LAMA2: variants seen among roughly 807,000 people sequenced by gnomAD.
LAMA2 encodes the protein laminin subunit alpha-2.
LAMA2 carries 269 observed loss-of-function variants against 364.8 expected under a neutral mutation model. The observed-to-expected ratio is 0.74, with a 90% CI of 0.67 to 0.82. The LOEUF (loss-of-function observed/expected upper bound fraction) is 0.82, where lower values mean the gene tolerates loss of function less well. Ranked by LOEUF, LAMA2 falls within the 40% of genes least tolerant of loss-of-function variation. LAMA2 has a pLI of 0.00. For synonymous variants in LAMA2, 1,379 were observed against 1,370.6 expected (o/e 1.01, Z -0.14); for missense variants, 3,807 against 3,873.2 (o/e 0.98, Z 0.45).
At chr6:129,422,988 A>C (rs1048157173) in intron 40 of LAMA2, among the ~76,000 whole-genome samples, 2 of 152,148 alleles carry the variant, frequency 1.3e-5, no homozygotes, top group Non-Finnish European at 2.9e-5. Flanking sequence ...AGGATTATAC[A>C]TGATCACTAA....
intron 28 of LAMA2, among the ~76,000 whole-genome samples, chr6:129,322,382 G>C (rs7766689): frequency 6.6e-6 from 1 of 151,932 alleles, no homozygotes; most frequent in Non-Finnish European, 1.5e-5. Flanking sequence ...TATGAAATGA[G>C]TGACCTTTCC....
At chr6:129,489,567 A>AT (rs1784759189) in intron 56 of LAMA2, among the ~76,000 whole-genome samples, 1 of 152,128 alleles carries the variant, frequency 6.6e-6, no homozygotes, top group South Asian at 2.1e-4. Context: ...AACTGAACTG[A>AT]GTTTTTCTTC....
chr6:129,264,239 A>T (rs1257548915), intron 15 of LAMA2, among the ~76,000 whole-genome samples: 6 of 152,202 alleles, frequency 3.9e-5, no homozygotes, highest in Non-Finnish European at 8.8e-5. Context: ...ATAGTAGAAC[A>T]AATAGGACTT....
chr6:129,213,017 T>A (rs1783197516), intron 12 of LAMA2, among the ~76,000 whole-genome samples: 1 of 152,198 alleles, frequency 6.6e-6, no homozygotes, highest in Non-Finnish European at 1.5e-5. Context: ...CATATTACTC[T>A]CATAATCTAA....
intron 3 of LAMA2, among the ~76,000 whole-genome samples, chr6:129,095,451 G>A (rs1030445772): frequency 5.9e-5 from 9 of 152,068 alleles, no homozygotes; most frequent in African/African-American, 2.2e-4. Context: ...TTAGAGATAA[G>A]TTTTATTTAG....
chr6:128,933,477 G>T (rs34302582), intron 1 of LAMA2, among the ~76,000 whole-genome samples: 31,999 of 151,960 alleles, frequency 0.21, 4,903 homozygotes, highest in African/African-American at 0.43. Flanking sequence ...TTTCATTTTT[G>T]GAAGAATCTC....
At chr6:129,110,279 GAACT>G (rs1207615123) in intron 4 of LAMA2, among the ~76,000 whole-genome samples, 3 of 151,962 alleles carry the variant, frequency 2.0e-5, no homozygotes, top group Admixed American at 6.6e-5. Context: ...AGAAAGAAAA[GAACT>G]ATTAAATGAA....
At chr6:129,431,564 G>A (rs1037608981) in intron 41 of LAMA2, among the ~76,000 whole-genome samples, 5 of 152,060 alleles carry the variant, frequency 3.3e-5, no homozygotes, top group African/African-American at 1.2e-4. Flanking sequence ...GACCAATGCA[G>A]GGGTTGGAGA....
chr6:129,276,233 C>T (rs1364305430), intron 17 of LAMA2, among the ~76,000 whole-genome samples: 1 of 152,108 alleles, frequency 6.6e-6, no homozygotes, highest in Non-Finnish European at 1.5e-5. Context: ...TCTTATCCTA[C>T]CCAACTGTTC....
At chr6:129,493,983 T>G (rs1199701515) in intron 58 of LAMA2, among the ~76,000 whole-genome samples, 2 of 152,234 alleles carry the variant, frequency 1.3e-5, no homozygotes, top group Non-Finnish European at 2.9e-5. Context: ...TTTTTCATTA[T>G]TTCCAGTTAT....
intron 13 of LAMA2, among the ~76,000 whole-genome samples, chr6:129,250,875 T>C (rs1786133321): frequency 6.6e-6 from 1 of 152,104 alleles, no homozygotes; most frequent in South Asian, 2.1e-4. Flanking sequence ...TAGATGTTAA[T>C]TTAGCACCAG....
chr6:129,081,070 ATGAAGAG>A (rs1161702352), intron 3 of LAMA2, among the ~76,000 whole-genome samples: 1 of 152,240 alleles, frequency 6.6e-6, no homozygotes, highest in Non-Finnish European at 1.5e-5. Context: ...GCCATAAAAA[ATGAAGAG>A]TTCATGTCCT....
At chr6:129,444,481 A>G (rs1782270124) in intron 44 of LAMA2, among the ~76,000 whole-genome samples, 1 of 152,216 alleles carries the variant, frequency 6.6e-6, no homozygotes, top group South Asian at 2.1e-4. Flanking sequence ...TATAACAAAC[A>G]TTTCTATCCA....
chr6:129,502,022 C>T (rs1255738236), intron 58 of LAMA2, among the ~76,000 whole-genome samples: 2 of 152,162 alleles, frequency 1.3e-5, no homozygotes, highest in African/African-American at 4.8e-5. Flanking sequence ...AGCTCTCCCC[C>T]TCAGCACCCT....
Position 129,481,275 on chromosome 6 carries a change from G to T in LAMA2, c.7585G>T (p.Val2529Phe). The change falls in exon 55 of 65, where the codon GTT becomes TTT. Residue 2529 changes from valine to phenylalanine, a missense_variant. Around this residue, in one of 3 missense-constraint regions of LAMA2, gnomAD observed 3,333 missense variants for 3,345.7 expected, o/e 1.00. Transcript: ENST00000421865. ...KGCSLENVYT[V>F]SFPKPGFVEL... Reference sequence around the variant, plus strand: ...CCTTTACTCACAGAATGTTTACACAGTTAGCTTTCCTAAGCCTGGTTTTGT... The same window carrying T: ...CCTTTACTCACAGAATGTTTACACATTTAGCTTTCCTAAGCCTGGTTTTGT... 1.9e-6 allele frequency: 3 copies of T among 1,613,574 alleles called. No individual in the cohort carries two copies. Among genetic ancestry groups the T allele is most frequent in the Non-Finnish European group, 2.5e-6 (3 of 1,179,628 alleles).
chr6:129,300,631 A>G, intron 21 of LAMA2, 105 bp from the exon 22 acceptor site: 1 of 1,152,594 alleles, frequency 8.7e-7, no homozygotes, highest in South Asian at 1.2e-5. Flanking sequence ...TAAGTGTAGA[A>G]CTGAAAAGAA....
intron 9 of LAMA2, among the ~76,000 whole-genome samples, chr6:129,167,128 T>A (rs1395369635): frequency 1.3e-5 from 2 of 152,158 alleles, no homozygotes; most frequent in African/African-American, 4.8e-5. Flanking sequence ...ACTTCCAAAT[T>A]TAAAAATATT....
intron 8 of LAMA2, among the ~76,000 whole-genome samples, chr6:129,161,466 A>G (rs1435184719): frequency 6.6e-6 from 1 of 152,008 alleles, no homozygotes; most frequent in Non-Finnish European, 1.5e-5. Context: ...TTAAACAAAT[A>G]TTTTTCAGTA....
At chr6:129,497,972 G>A (rs1427403479) in intron 58 of LAMA2, among the ~76,000 whole-genome samples, 2 of 152,066 alleles carry the variant, frequency 1.3e-5, no homozygotes, top group African/African-American at 4.8e-5. Flanking sequence ...ATTTTTCATG[G>A]AGGATGGCAG....
Sources: gnomAD v4.1 joint callset for allele counts (sites outside exome capture counted in the v4.1 genomes callset) on GRCh38, gnomAD v4.1.1 for gene constraint, gnomAD v4.1.1 regional missense constraint, MANE v1.5 for transcripts, NCBI Gene and HGNC (gene_info 2026-07-23, HGNC 2026-07-21) for gene names.